XYLT1: variants seen among roughly 807,000 people sequenced by gnomAD.
XYLT1 encodes the protein beta-D-xylosyltransferase 1.
Under a neutral mutation model 91.3 loss-of-function variants are expected in XYLT1, and 36 were observed. The ratio of observed to expected loss-of-function variants is 0.39; its 90% CI spans 0.30 to 0.52. The LOEUF is 0.52. XYLT1 is among the 20% of genes least tolerant of loss of function. The pLI is 0.68. For missense variants in XYLT1, 1,242 were observed against 1,284.5 expected (o/e 0.97, Z 0.51); for synonymous variants, 588 against 532.0 (o/e 1.11, Z -1.45).
In XYLT1 at chr16:17,211,788, G is replaced by A. The variant is rs1305189447; in HGVS notation, c.914-11134C>T. 5.3e-5 allele frequency among the ~76,000 whole-genome samples: 8 copies of A among 152,326 alleles called. No individual in the cohort carries two copies. The East Asian group carries it at 1.4e-3, about 26-fold the overall frequency. On this transcript the variant is annotated intron_variant, in intron 3 of 11. Coordinates refer to ENST00000261381, the MANE Select transcript of XYLT1 (RefSeq NM_022166.4). The stretch of plus-strand genomic sequence containing the variant: ...AGCTTGATGGGAACCAAAGCCTCAT[G>A]TTCTCAGAATGGCTTCAAAACTATC...
intron 11 of XYLT1, among the ~76,000 whole-genome samples, chr16:17,111,217 A>AC (rs1221326472): frequency 6.6e-6 from 1 of 152,182 alleles, no homozygotes; most frequent in African/African-American, 2.4e-5. Context: ...AGTAACATGT[A>AC]CGTAAGAGTG....
intron 3 of XYLT1, among the ~76,000 whole-genome samples, chr16:17,220,217 G>A (rs1161635756): frequency 6.6e-6 from 1 of 152,134 alleles, no homozygotes; most frequent in African/African-American, 2.4e-5. Flanking sequence ...GTGTACCAAT[G>A]TGTAAACCTA....
intron 2 of XYLT1, among the ~76,000 whole-genome samples, chr16:17,334,488 T>C (rs1178138789): frequency 1.3e-5 from 2 of 151,574 alleles, no homozygotes; most frequent in Non-Finnish European, 2.9e-5. Flanking sequence ...GCCTTCTCCA[T>C]ACCTTCCACC....
intron 5 of XYLT1, among the ~76,000 whole-genome samples, chr16:17,171,174 GTTA>G (rs756613994): frequency 6.6e-6 from 1 of 152,212 alleles, no homozygotes; most frequent in Non-Finnish European, 1.5e-5. Flanking sequence ...TCTTATTATT[GTTA>G]TTATTTTTAT....
At chr16:17,358,525 C>T (rs975712228) in intron 1 of XYLT1, among the ~76,000 whole-genome samples, 1 of 152,160 alleles carries the variant, frequency 6.6e-6, no homozygotes, top group African/African-American at 2.4e-5. Flanking sequence ...CTCCATTCTA[C>T]AGAGACATCA....
At chr16:17,310,912 G>C (rs1408040124) in intron 2 of XYLT1, among the ~76,000 whole-genome samples, 2 of 152,132 alleles carry the variant, frequency 1.3e-5, no homozygotes, top group African/African-American at 4.8e-5. Context: ...GACAAAGAGG[G>C]TTTCTTTCAG....
At chr16:17,413,716 A>C (rs1226706755) in intron 1 of XYLT1, among the ~76,000 whole-genome samples, 1 of 151,852 alleles carries the variant, frequency 6.6e-6, no homozygotes, top group Non-Finnish European at 1.5e-5. Flanking sequence ...GAGATGACAG[A>C]TTTTCTGTAT....
intron 5 of XYLT1, among the ~76,000 whole-genome samples, chr16:17,161,673 G>A (rs960759689): frequency 1.3e-4 from 12 of 91,116 alleles, no homozygotes; most frequent in Non-Finnish European, 1.9e-4. Context: ...CCAGTTTCTC[G>A]CGCGCTCTCT....
chr16:17,239,468 CCAT>C, intron 3 of XYLT1, among the ~76,000 whole-genome samples: 1 of 151,136 alleles, frequency 6.6e-6, no homozygotes, highest in East Asian at 2.0e-4. Context: ...ATCCATCCAT[CCAT>C]CATCCATCCA....
At chr16:17,436,587 C>A (rs898418345) in intron 1 of XYLT1, among the ~76,000 whole-genome samples, 17 of 152,156 alleles carry the variant, frequency 1.1e-4, no homozygotes, top group Admixed American at 1.1e-3. Flanking sequence ...GGGTTGGGAA[C>A]GAGGTCATTC....
At chr16:17,395,121 T>C (rs978293374) in intron 1 of XYLT1, among the ~76,000 whole-genome samples, 1 of 152,198 alleles carries the variant, frequency 6.6e-6, no homozygotes, top group Non-Finnish European at 1.5e-5. Context: ...GCACATCTTA[T>C]ACGGCAGCAG....
At chr16:17,436,570 A>C (rs1050906487) in intron 1 of XYLT1, among the ~76,000 whole-genome samples, 2 of 152,208 alleles carry the variant, frequency 1.3e-5, no homozygotes, top group African/African-American at 4.8e-5. Flanking sequence ...TTCAGCTTTT[A>C]AGCTACGGGT....
In XYLT1 at chr16:17,105,417, G is replaced by T. The variant is rs1966760678; in HGVS notation, c.*3278C>A. The T allele has an allele frequency of 6.6e-6, 1 of 152,200 alleles. No homozygotes were observed. The highest frequency in any genetic ancestry group is 1.9e-4 in the East Asian group (1 of 5,182). 9.4% of individuals were successfully genotyped at this position (152,200 alleles called of 1,614,324 possible). A position where few individuals can be genotyped will look rare whatever the true frequency, so the allele number is the denominator to read the frequency against. On this transcript the variant is annotated 3_prime_UTR_variant, in exon 12 of 12. Coordinates refer to ENST00000261381, the MANE Select transcript of XYLT1 (RefSeq NM_022166.4). Reference sequence around the variant, plus strand: ...CCGGAAGGACTCATGATCTCACCAGGAAAGCCTTTTTTTTCCCCTGCAAAG... The same window carrying T: ...CCGGAAGGACTCATGATCTCACCAGTAAAGCCTTTTTTTTCCCCTGCAAAG...
chr16:17,108,750 C>G lies in XYLT1; in HGVS notation c.2825G>C (p.Ser942Thr). 2 of 1,606,082 alleles carry G rather than the reference C, an allele frequency of 1.2e-6. No individual in the cohort carries two copies. Among genetic ancestry groups the G allele is most frequent in the Non-Finnish European group, 8.5e-7 (1 of 1,178,720 alleles). ...TCSQTAWSSF[S>T]PDPKSELGAV... is the part of the protein sequence containing the mutation. ...CCCCAGCTCCGACTTGGGGTCAGGG[C>G]TGAAGGAGCTCCAGGCCGTCTGGCT... is the stretch of plus-strand genomic sequence containing the variant. Residue 942 changes from serine to threonine, a missense_variant, in exon 12 of 12, where the codon AGC becomes ACC. Ser to Thr is a moderately conservative substitution (Grantham distance 58). Transcript: ENST00000261381.
At chr16:17,432,244 A>G (rs1182666478) in intron 1 of XYLT1, among the ~76,000 whole-genome samples, 10 of 152,214 alleles carry the variant, frequency 6.6e-5, no homozygotes, top group Admixed American at 5.9e-4. Flanking sequence ...AAATGAAAAC[A>G]TATGTCCACA....
chr16:17,134,940 A>AAAGC (rs2030653959), intron 8 of XYLT1, among the ~76,000 whole-genome samples: 1 of 129,018 alleles, frequency 7.8e-6, no homozygotes, highest in African/African-American at 2.5e-5. Flanking sequence ...CAGAACATCT[A>AAAGC]AAGCAATGAT....
At chr16:17,454,188 T>G (rs972276570) in intron 1 of XYLT1, among the ~76,000 whole-genome samples, 1 of 152,246 alleles carries the variant, frequency 6.6e-6, no homozygotes, top group African/African-American at 2.4e-5. Flanking sequence ...CAGAAATGTT[T>G]GCATATGTTT....
At chr16:17,438,807 G>A (rs747566582) in intron 1 of XYLT1, among the ~76,000 whole-genome samples, 6 of 151,992 alleles carry the variant, frequency 3.9e-5, no homozygotes, top group Non-Finnish European at 7.4e-5. Flanking sequence ...TCATTATCAC[G>A]AGAACAGTAA....
chr16:17,114,881 G>C (rs1250324795), intron 11 of XYLT1, among the ~76,000 whole-genome samples: 1 of 151,258 alleles, frequency 6.6e-6, no homozygotes, highest in African/African-American at 2.4e-5. Context: ...GTCTCGCTTT[G>C]TCACCCAGGC....
Sources: allele counts gnomAD v4.1 joint callset (sites outside exome capture counted in the v4.1 genomes callset), GRCh38; gene constraint gnomAD v4.1.1; transcripts MANE v1.5; gene names NCBI Gene and HGNC (gene_info 2026-07-23, HGNC 2026-07-21).